CAPN8: variants seen among roughly 807,000 people sequenced by gnomAD.
CAPN8 encodes calpain 8.
Under a neutral mutation model 80.9 loss-of-function variants are expected in CAPN8, and 87 were observed. The observed-to-expected ratio is 1.07, with a 90% CI of 0.90 to 1.28. The LOEUF (loss-of-function observed/expected upper bound fraction) is 1.28, where lower values mean the gene tolerates loss of function less well. CAPN8 is among the 50% of genes most tolerant of loss of function. The pLI, the probability that CAPN8 is intolerant of heterozygous loss-of-function variation, is 0.00. For missense variants in CAPN8, 757 were observed against 702.0 expected (o/e 1.08, Z -0.89); for synonymous variants, 299 against 273.8 (o/e 1.09, Z -0.91).
intron 2 of CAPN8, among the ~76,000 whole-genome samples, chr1:223,633,547 A>T (rs1200363966): frequency 6.6e-6 from 1 of 152,208 alleles, no homozygotes; most frequent in African/African-American, 2.4e-5. Context: ...CTGTAGTACC[A>T]GCTACTCAGG....
At position 223,542,991 on chromosome 1, in the gene CAPN8, A is replaced by G; in HGVS notation, c.2088+117T>C. On this transcript the variant is annotated intron_variant, in intron 20 of 20. Coordinates refer to ENST00000366872, the MANE Select transcript of CAPN8 (RefSeq NM_001143962.2). ...GCTGGGTGCCTGCCACAGAACATGC[A>G]TGGTATTCACATGGAACTAAGACAG... The G allele has an allele frequency of 3.6e-6, 4 of 1,115,790 alleles. No homozygotes were observed. In the South Asian group the frequency reaches 4.5e-5, roughly 13 times the overall value. 69.1% of individuals were successfully genotyped at this position (1,115,790 alleles called of 1,614,324 possible).
At chr1:223,618,312 G>C in intron 9 of CAPN8, 3 of 1,550,082 alleles carry the variant, frequency 1.9e-6, no homozygotes, top group Non-Finnish European at 2.6e-6. Flanking sequence ...GATCTTCTGC[G>C]AGCCAGGAAA....
chr1:223,626,916 T>A, intron 5 of CAPN8, 73 bp downstream of exon 5: 1 of 1,484,102 alleles, frequency 6.7e-7, no homozygotes, highest in Non-Finnish European at 9.1e-7. Context: ...TCTCCCGCTG[T>A]CTCATCCCTT....
chr1:223,620,253 T>C lies in CAPN8; in HGVS notation c.913A>G (p.Asn305Asp), dbSNP rs1558343556. 6.4e-7 allele frequency: 1 copy of C among 1,551,614 alleles called. No individual in the cohort carries two copies. The highest frequency in any genetic ancestry group is 8.7e-7 in the Non-Finnish European group (1 of 1,146,948). ...GAWSDDAPEW[N>D]HIDPRRKEEL... ...TCCTTCCGCCGGGGGTCTATGTGATTCCACTCTGGTGCACTGAGGGGAAAA... is the reference window on the plus strand; with the variant it reads ...TCCTTCCGCCGGGGGTCTATGTGATCCCACTCTGGTGCACTGAGGGGAAAA... Residue 305 changes from asparagine (N) to aspartate (D), a missense_variant, in exon 8 of 21, where the codon AAT (asparagine) becomes GAT (aspartate). Physicochemically the swap from Asn to Asp is conservative, Grantham distance 23. Coordinates refer to ENST00000366872, the MANE Select transcript of CAPN8 (RefSeq NM_001143962.2).
At chr1:223,645,264 C>T (rs921931855) in intron 2 of CAPN8, among the ~76,000 whole-genome samples, 8 of 152,176 alleles carry the variant, frequency 5.3e-5, no homozygotes, top group East Asian at 1.9e-4. Flanking sequence ...ATCCTGGCCA[C>T]GCTGGCAGCT....
At position 223,612,355 on chromosome 1, in the gene CAPN8, G is replaced by A. The variant is rs922767993; in HGVS notation, c.1312-98C>T. 4.6e-6 allele frequency: 5 copies of A among 1,097,374 alleles called. No homozygotes were observed. In the African/African-American group the frequency reaches 4.9e-5, roughly 11 times the overall value. The allele number at this position is 1,097,374 out of a possible 1,614,324, so 68.0% of individuals were successfully genotyped here. On this transcript the variant is annotated intron_variant, in intron 10 of 20. Coordinates refer to ENST00000366872, the MANE Select transcript of CAPN8 (RefSeq NM_001143962.2). ...CTATGTCTTGCAAACAGACTGTGCA[G>A]TCCTGGGGCAACTGAGGAGACATTT...
At chr1:223,663,197 G>A (rs1422112436) in intron 1 of CAPN8, among the ~76,000 whole-genome samples, 2 of 152,182 alleles carry the variant, frequency 1.3e-5, no homozygotes, top group African/African-American at 2.4e-5. Flanking sequence ...CACAGACCAC[G>A]AGGACAGGTG....
At chr1:223,634,460 T>C (rs957791534) in intron 2 of CAPN8, among the ~76,000 whole-genome samples, 6 of 152,204 alleles carry the variant, frequency 3.9e-5, no homozygotes, top group African/African-American at 1.4e-4. Flanking sequence ...GCCTTCCTTA[T>C]ACCCACGTGC....
intron 1 of CAPN8, among the ~76,000 whole-genome samples, chr1:223,661,229 G>C (rs28723386): frequency 6.6e-6 from 1 of 151,514 alleles, no homozygotes; most frequent in African/African-American, 2.4e-5. Context: ...TCTACAAATG[G>C]TCAATAAGCA....
At chr1:223,624,268 G>A (rs1253527158) in intron 6 of CAPN8, among the ~76,000 whole-genome samples, 3 of 152,204 alleles carry the variant, frequency 2.0e-5, no homozygotes, top group Admixed American at 1.3e-4. Context: ...ATAACAAGAG[G>A]TGGGACATTC....
At position 223,544,830 on chromosome 1, in the gene CAPN8, A is replaced by G. The variant is rs1037622304; in HGVS notation, c.1854T>C (p.Asp618=). The G allele has an allele frequency of 2.8e-5, 44 of 1,551,668 alleles. No individual in the cohort carries two copies. Among genetic ancestry groups the G allele is most frequent in the Non-Finnish European group, 3.6e-5 (41 of 1,146,996 alleles). ...CATCGATGGTGCCCGAGTGGTTATA[A>G]TCAGTTTCCCAATAGATCTCCTAAA... The part of the protein sequence containing the change: ...QKYLEIYWET[D]YNHSGTIDAH... The change falls in exon 18 of 21, where the codon GAT becomes GAC. Residue 618 remains aspartate, a synonymous_variant. Transcript: ENST00000366872.
At chr1:223,653,289 T>C (rs73127621) in intron 2 of CAPN8, among the ~76,000 whole-genome samples, 2,882 of 151,792 alleles carry the variant, frequency 0.019, 84 homozygotes, top group African/African-American at 0.065. Context: ...CTCTGTGAGC[T>C]CTTTCTAAGG....
At chr1:223,624,713 CTAAA>C (rs71740935) in intron 6 of CAPN8, among the ~76,000 whole-genome samples, 18 of 141,770 alleles carry the variant, frequency 1.3e-4, no homozygotes, top group South Asian at 2.3e-4. Context: ...GACCCTGTCT[CTAAA>C]TAAATAAATA....
chr1:223,627,203 G>T lies in CAPN8; in HGVS notation c.561-46C>A, dbSNP rs749016979. The T allele has an allele frequency of 1.1e-4, 166 of 1,540,910 alleles. No individual in the cohort carries two copies. In the African/African-American group the frequency reaches 1.8e-3, roughly 17 times the overall value. On this transcript the variant is annotated intron_variant, in intron 4 of 20. Coordinates refer to ENST00000366872, the MANE Select transcript of CAPN8 (RefSeq NM_001143962.2). ...CATGCTCCATTAGCACCCTCAGCAA[G>T]GAGACCCGGGGATTGGGGACCGGGA... is the stretch of plus-strand genomic sequence containing the variant.
At chr1:223,623,234 T>C (rs1464216366) in intron 6 of CAPN8, among the ~76,000 whole-genome samples, 2 of 152,160 alleles carry the variant, frequency 1.3e-5, no homozygotes, top group Admixed American at 6.5e-5. Context: ...ATAAACGCCC[T>C]CCAAACAAAC....
intron 2 of CAPN8, among the ~76,000 whole-genome samples, chr1:223,647,582 G>C (rs1231425562): frequency 6.6e-6 from 1 of 151,942 alleles, no homozygotes; most frequent in African/African-American, 2.4e-5. Flanking sequence ...TTTGGAAAAA[G>C]AACAGGTCAC....
In CAPN8 at chr1:223,553,819, G is replaced by A. The variant is rs1223081435; in HGVS notation, c.1641+13C>T. On this transcript the variant is annotated intron_variant, in intron 14 of 20. Coordinates refer to ENST00000366872, the MANE Select transcript of CAPN8 (RefSeq NM_001143962.2). ...CCTGCCCACCTGGGAAGCCATGTTCGCCCTCCACTCACCTTCCCTGCCAAC... is the reference window on the plus strand; with the variant it reads ...CCTGCCCACCTGGGAAGCCATGTTCACCCTCCACTCACCTTCCCTGCCAAC... 4 of 398,478 alleles carry A rather than the reference G, an allele frequency of 1.0e-5. No individual in the cohort carries two copies. Among genetic ancestry groups the A allele is most frequent in the Non-Finnish European group, 1.8e-5 (4 of 226,106 alleles). The allele number at this position is 398,478 out of a possible 1,614,324, so 24.7% of individuals were successfully genotyped here. A position where few individuals can be genotyped will look rare whatever the true frequency, so the allele number is the denominator to read the frequency against.
At chr1:223,612,327 T>C (rs1657049515) in intron 10 of CAPN8, 70 bp from the exon 11 acceptor site, 84 of 1,220,362 alleles carry the variant, frequency 6.9e-5, no homozygotes, top group Non-Finnish European at 8.3e-5. Context: ...TTTTCCTCTC[T>C]CCCTATGTCT....
chr1:223,549,613 C>A, intron 15 of CAPN8: 2 of 684,532 alleles, frequency 2.9e-6, no homozygotes, highest in Non-Finnish European at 5.2e-6. Flanking sequence ...AGCATCTGAA[C>A]CTTGGCTTGG....
Sources: allele counts gnomAD v4.1 joint callset (sites outside exome capture counted in the v4.1 genomes callset), GRCh38; gene constraint gnomAD v4.1.1; transcripts MANE v1.5; gene names NCBI Gene and HGNC (gene_info 2026-07-23, HGNC 2026-07-21).